Variants in ATF7 observed in about 807,000 individuals in gnomAD.
ATF7 encodes cyclic AMP-dependent transcription factor ATF-7.
Under a neutral mutation model 50.4 loss-of-function variants are expected in ATF7, and 10 were observed. That is an observed-to-expected ratio of 0.20 (90% CI 0.12 to 0.34). ATF7 has a LOEUF of 0.34. Ranked by LOEUF, ATF7 falls within the 10% of genes least tolerant of loss-of-function variation. The pLI, the probability that ATF7 is intolerant of heterozygous loss-of-function variation, is 1.00. For missense variants in ATF7, 465 were observed against 613.9 expected (o/e 0.76, Z 2.56); for synonymous variants, 201 against 226.4 (o/e 0.89, Z 1.01).
chr12:53,551,623 G>A (rs1940358761), intron 3 of ATF7, among the ~76,000 whole-genome samples: 1 of 152,184 alleles, frequency 6.6e-6, no homozygotes, highest in Non-Finnish European at 1.5e-5. Flanking sequence ...GTCTGTAAAG[G>A]CAAGTGGTAA....
At chr12:53,551,775 A>C (rs1022999280) in intron 3 of ATF7, among the ~76,000 whole-genome samples, 1 of 152,220 alleles carries the variant, frequency 6.6e-6, no homozygotes, top group South Asian at 2.1e-4. Flanking sequence ...CCAACTAAAC[A>C]CCCTAGGAAT....
chr12:53,597,808 C>CAAAAA lies in ATF7; in HGVS notation c.48+3140_48+3144dup, dbSNP rs370329144. ...TGGGCGACAGAGTGGAACTCTGTCT[C>CAAAAA]AAAAAAAAAAAAAAAAAATAGTATC... On this transcript the variant is annotated intron_variant, in intron 2 of 11. Coordinates refer to ENST00000420353, the MANE Select transcript of ATF7 (RefSeq NM_006856.3). Among the ~76,000 whole-genome samples, 165 of 80,820 alleles carry CAAAAA rather than the reference C, an allele frequency of 2.0e-3. 1 individual carries two copies. The East Asian group carries it at 0.038, about 18-fold the overall frequency. 53.0% of individuals were successfully genotyped at this position (80,820 alleles called of 152,430 possible).
chr12:53,538,149 A>G (rs12582512), intron 4 of ATF7, among the ~76,000 whole-genome samples: 10,296 of 152,194 alleles, frequency 0.068, 512 homozygotes, highest in East Asian at 0.19. Flanking sequence ...ATTTATAAAG[A>G]CCTGAAAAAA....
At chr12:53,618,958 A>G (rs1220432618) in intron 1 of ATF7, among the ~76,000 whole-genome samples, 2 of 150,132 alleles carry the variant, frequency 1.3e-5, no homozygotes, top group Non-Finnish European at 3.0e-5. Context: ...AGGCTGAGGC[A>G]TGAGAATTGC....
At chr12:53,545,481 C>T (rs187149838) in intron 3 of ATF7, among the ~76,000 whole-genome samples, 32 of 152,146 alleles carry the variant, frequency 2.1e-4, no homozygotes, top group East Asian at 1.2e-3. Context: ...GGATTGCAGG[C>T]GCGCGCCACT....
At chr12:53,579,718 A>C (rs1942299365) in intron 2 of ATF7, among the ~76,000 whole-genome samples, 1 of 152,160 alleles carries the variant, frequency 6.6e-6, no homozygotes, top group South Asian at 2.1e-4. Flanking sequence ...CTCCCTCTGC[A>C]GGATCTTCAA....
At chr12:53,529,993 C>T (rs929932763) in intron 9 of ATF7, among the ~76,000 whole-genome samples, 2 of 151,296 alleles carry the variant, frequency 1.3e-5, no homozygotes, top group East Asian at 2.0e-4. Flanking sequence ...CCGCCCACCT[C>T]GGCCTCCCAA....
rs1175276034 is a variant in ATF7, at chr12:53,516,249, A to C, written c.*888T>G. ...CCTGTCTGCCCTGATGGTTAAACTA[A>C]AGAAGGAGGGAGGGGAGGAGACAGA... On this transcript the variant is annotated 3_prime_UTR_variant, in exon 12 of 12. Coordinates refer to ENST00000420353, the MANE Select transcript of ATF7 (RefSeq NM_006856.3). 1 of 152,200 alleles carries C rather than the reference A, an allele frequency of 6.6e-6. No homozygotes were observed. The highest frequency in any genetic ancestry group is 1.5e-5 in the Non-Finnish European group (1 of 68,040). The allele number at this position is 152,200 out of a possible 1,614,324, so 9.4% of individuals were successfully genotyped here.
chr12:53,568,242 A>G (rs1395354178), intron 2 of ATF7, among the ~76,000 whole-genome samples: 8 of 152,354 alleles, frequency 5.3e-5, no homozygotes, highest in Non-Finnish European at 1.2e-4. Context: ...CTGATCTTTA[A>G]GGCCTTATGC....
intron 2 of ATF7, among the ~76,000 whole-genome samples, chr12:53,555,002 A>G (rs7307025): frequency 0.12 from 18,893 of 151,924 alleles, 1,478 homozygotes; most frequent in Middle Eastern, 0.18. Context: ...TCCAGGCACC[A>G]TCTTTTTCAG....
At chr12:53,581,979 CGGGTATGGTG>C (rs1942445454) in intron 2 of ATF7, among the ~76,000 whole-genome samples, 1 of 151,238 alleles carries the variant, frequency 6.6e-6, no homozygotes, top group Non-Finnish European at 1.5e-5. Flanking sequence ...AAAAATTAGC[CGGGTATGGTG>C]GTGCTCAGGA....
At chr12:53,601,069 C>CAAAA in intron 1 of ATF7, 48 bp from the exon 2 acceptor site, 7 of 941,226 alleles carry the variant, frequency 7.4e-6, no homozygotes, top group East Asian at 5.7e-5. Context: ...TATGCTGGAG[C>CAAAA]AAAAAAAAAA....
rs113169647 is a variant in ATF7, at chr12:53,571,552, A to G, written c.49-18915T>C. On this transcript the variant is annotated intron_variant, in intron 2 of 11. Transcript: ENST00000420353. Reference sequence around the variant, plus strand: ...CACAGTGGTGTGCACCTGTAGTCCCAGCTACTCAGAAGACTGAGAAGGGAG... The same window carrying G: ...CACAGTGGTGTGCACCTGTAGTCCCGGCTACTCAGAAGACTGAGAAGGGAG... Among the ~76,000 whole-genome samples, 1,364 of 151,870 alleles carry G rather than the reference A, an allele frequency of 9.0e-3. 25 individuals carry two copies. The highest frequency in any genetic ancestry group is 0.031 in the African/African-American group (1,300 of 41,392).
At chr12:53,582,338 A>C (rs1212745053) in intron 2 of ATF7, among the ~76,000 whole-genome samples, 1 of 151,134 alleles carries the variant, frequency 6.6e-6, no homozygotes, top group Non-Finnish European at 1.5e-5. Flanking sequence ...AAAAAAAAAA[A>C]AAAAAACCTA....
Position 53,600,979 on chromosome 12 carries a change from C to G in ATF7, c.22G>C (p.Val8Leu), listed in dbSNP as rs1565589241. The G allele has an allele frequency of 6.2e-7, 1 of 1,611,976 alleles. No individual in the cohort carries two copies. MGDDRPF[V>L]CNAPGCGQRF... Reference sequence around the variant, plus strand: ...TGTCCACAGCCCGGGGCATTGCACACAAACGGTCTGTCGTCTCCCATATTT... The same window carrying G: ...TGTCCACAGCCCGGGGCATTGCACAGAAACGGTCTGTCGTCTCCCATATTT... Residue 8 changes from valine to leucine, a missense_variant, in exon 2 of 12, where the codon GTG (valine) becomes CTG (leucine). Coordinates refer to ENST00000420353, the MANE Select transcript of ATF7 (RefSeq NM_006856.3).
Position 53,523,402 on chromosome 12 carries a change from A to T in ATF7, c.1126-18T>A. The T allele has an allele frequency of 6.4e-7, 1 of 1,571,708 alleles. No individual in the cohort carries two copies. ...ACTTCATTCTGAGGAGGGAGGGAAG[A>T]AAAGAGTATCAAGAAAATTCATCCT... On this transcript the variant is annotated intron_variant, in intron 10 of 11. Coordinates refer to ENST00000420353, the MANE Select transcript of ATF7 (RefSeq NM_006856.3).
Position 53,601,116 on chromosome 12 carries a change from T to C in ATF7, c.-21-95A>G. ...CAAAAATATCAACCCTAGAAACAGGTGTTCCACGAATGCCATCTATCAAAG... is the reference window on the plus strand; with the variant it reads ...CAAAAATATCAACCCTAGAAACAGGCGTTCCACGAATGCCATCTATCAAAG... On this transcript the variant is annotated intron_variant, in intron 1 of 11. Transcript: ENST00000420353. 3.4e-6 allele frequency: 3 copies of C among 894,020 alleles called. No homozygotes were observed. The South Asian group carries it at 4.8e-5, about 14-fold the overall frequency. 55.4% of individuals were successfully genotyped at this position (894,020 alleles called of 1,614,324 possible).
At chr12:53,567,734 A>G (rs986566107) in intron 2 of ATF7, among the ~76,000 whole-genome samples, 3 of 152,214 alleles carry the variant, frequency 2.0e-5, no homozygotes, top group African/African-American at 7.2e-5. Flanking sequence ...TAGACCTTTT[A>G]GTATTCTCCT....
At chr12:53,587,801 T>A (rs1302630973) in intron 2 of ATF7, among the ~76,000 whole-genome samples, 3 of 130,768 alleles carry the variant, frequency 2.3e-5, no homozygotes, top group Non-Finnish European at 1.7e-5. Flanking sequence ...TCTCTTTTGA[T>A]CCTCTATGTA....
Sources: gnomAD v4.1 joint callset for allele counts (sites outside exome capture counted in the v4.1 genomes callset) on GRCh38, gnomAD v4.1.1 for gene constraint, MANE v1.5 for transcripts, NCBI Gene and HGNC (gene_info 2026-07-23, HGNC 2026-07-21) for gene names.